The following NPTN variants were observed in gnomAD, a reference collection of about 807,000 sequenced individuals.
The protein encoded by NPTN is SDR-1.
In NPTN, 5 loss-of-function variants were observed where a neutral mutation model predicts 42.7. The observed-to-expected ratio is 0.12, with a 90% CI of 0.06 to 0.25. NPTN has a LOEUF of 0.25. NPTN is among the 10% of genes least tolerant of loss of function. NPTN has a pLI of 1.00. For synonymous variants in NPTN, 180 were observed against 201.9 expected, an observed-to-expected ratio of 0.89 and a Z score of 0.92; for missense variants, 307 against 525.4, an observed-to-expected ratio of 0.58 and a Z score of 4.06.
chr15:73,599,856 G>T (rs926622831), intron 1 of NPTN, among the ~76,000 whole-genome samples: 8 of 147,432 alleles, frequency 5.4e-5, no homozygotes, highest in African/African-American at 2.0e-4. Flanking sequence ...CTCAAATGCG[G>T]TAATTATGTA....
chr15:73,595,359 C>A (rs1896786839), intron 2 of NPTN, among the ~76,000 whole-genome samples: 1 of 152,186 alleles, frequency 6.6e-6, no homozygotes, highest in South Asian at 2.1e-4. Flanking sequence ...AAAAAAATCA[C>A]TGGGTTAATG....
intron 6 of NPTN, chr15:73,567,241 G>C (rs945980679): frequency 6.1e-6 from 6 of 985,166 alleles, no homozygotes; most frequent in Non-Finnish European, 6.0e-6. Flanking sequence ...TATAAAAAAA[G>C]TTCAGTGAGT....
At position 73,605,103 on chromosome 15, in the gene NPTN, G is replaced by C. The variant is rs542550341; in HGVS notation, c.92-7734C>G. On this transcript the variant is annotated intron_variant, in intron 1 of 8. Coordinates refer to ENST00000345330, the MANE Select transcript of NPTN (RefSeq NM_012428.4). ...CAGAGTAGAGACCCTGTCTCAAGGG[G>C]GGGGGGGGAAAAGAATGATCTAAAC... is the stretch of plus-strand genomic sequence containing the variant. 4.8e-3 allele frequency among the ~76,000 whole-genome samples: 700 copies of C among 146,280 alleles called. 38 individuals are homozygous for C. Among genetic ancestry groups the C allele is most frequent in the African/African-American group, 0.017 (627 of 36,714 alleles).
intron 5 of NPTN, 55 bp downstream of exon 5, chr15:73,573,607 G>C (rs1168244511): frequency 1.3e-5 from 19 of 1,506,808 alleles, no homozygotes; most frequent in Non-Finnish European, 1.7e-5. Flanking sequence ...CACGTGTCTG[G>C]ACCTCTGCAG....
intron 1 of NPTN, among the ~76,000 whole-genome samples, chr15:73,624,947 G>A (rs992824856): frequency 6.6e-6 from 1 of 152,040 alleles, no homozygotes; most frequent in African/African-American, 2.4e-5. Flanking sequence ...AAAAAAAATC[G>A]CTATATATAA....
In NPTN at chr15:73,633,174, C is replaced by T. The variant is rs1898859005; in HGVS notation, c.42G>A (p.Leu14=). 1 of 1,520,326 alleles carries T rather than the reference C, an allele frequency of 6.6e-7. No individual in the cohort carries two copies. Among genetic ancestry groups the T allele is most frequent in the Non-Finnish European group, 8.8e-7 (1 of 1,140,750 alleles). 94.2% of individuals were successfully genotyped at this position (1,520,326 alleles called of 1,614,324 possible). A position where few individuals can be genotyped will look rare whatever the true frequency, so the allele number is the denominator to read the frequency against. The change falls in exon 1 of 9, where the codon CTG becomes CTA. Residue 14 remains leucine (L), a synonymous_variant. Transcript: ENST00000345330. ...SSLPSALALS[L]LLVSGSLLPG... Reference sequence around the variant, plus strand: ...GGAGGAGGGAGCCAGAGACCAGCAACAGCGAGAGGGCCAGGGCGCTGGGCA... The same window carrying T: ...GGAGGAGGGAGCCAGAGACCAGCAATAGCGAGAGGGCCAGGGCGCTGGGCA...
chr15:73,583,830 G>T (rs938458543), intron 4 of NPTN, among the ~76,000 whole-genome samples: 2 of 152,156 alleles, frequency 1.3e-5, no homozygotes, highest in African/African-American at 4.8e-5. Context: ...GAGATGCTGT[G>T]CATGCTGAAA....
intron 2 of NPTN, among the ~76,000 whole-genome samples, chr15:73,594,905 G>A (rs901326769): frequency 6.6e-6 from 1 of 150,964 alleles, no homozygotes; most frequent in East Asian, 1.9e-4. Context: ...CTTTTGGGAC[G>A]CTGAGATCAT....
At chr15:73,562,000 TAAACTC>T (rs1894701710) in intron 7 of NPTN, 30 bp from the exon 8 acceptor site, 3 of 1,508,324 alleles carry the variant, frequency 2.0e-6, no homozygotes, top group Non-Finnish European at 2.7e-6. Flanking sequence ...TTACATGAGT[TAAACTC>T]AGTCAATAAC....
At chr15:73,600,111 C>T (rs773694173) in intron 1 of NPTN, among the ~76,000 whole-genome samples, 2 of 152,214 alleles carry the variant, frequency 1.3e-5, no homozygotes, top group Non-Finnish European at 2.9e-5. Flanking sequence ...CCACTGCACA[C>T]AACTGGGCGA....
chr15:73,624,832 A>T (rs550892045), intron 1 of NPTN, among the ~76,000 whole-genome samples: 2 of 152,352 alleles, frequency 1.3e-5, no homozygotes, highest in South Asian at 4.1e-4. Flanking sequence ...AATAAGGAAC[A>T]CAAGGTCTAA....
At chr15:73,602,812 A>C (rs1897133690) in intron 1 of NPTN, among the ~76,000 whole-genome samples, 1 of 152,152 alleles carries the variant, frequency 6.6e-6, no homozygotes, top group Admixed American at 6.5e-5. Context: ...ACATTTTCCA[A>C]ATTCAAACCT....
intron 1 of NPTN, among the ~76,000 whole-genome samples, chr15:73,615,321 G>A (rs1182842793): frequency 1.3e-5 from 2 of 152,026 alleles, no homozygotes. Flanking sequence ...CATTATAACA[G>A]CAGCTAGCCT....
chr15:73,609,139 C>T (rs1421735469), intron 1 of NPTN, among the ~76,000 whole-genome samples: 1 of 152,184 alleles, frequency 6.6e-6, no homozygotes, highest in Non-Finnish European at 1.5e-5. Context: ...GGATAAAATA[C>T]CCCAAGTTAG....
chr15:73,611,105 G>A (rs1897556257), intron 1 of NPTN, among the ~76,000 whole-genome samples: 1 of 152,218 alleles, frequency 6.6e-6, no homozygotes, highest in South Asian at 2.1e-4. Flanking sequence ...CTGAGCCAGA[G>A]TCCAAAGAAT....
At chr15:73,630,572 T>C (rs1481087) in intron 1 of NPTN, among the ~76,000 whole-genome samples, 18,182 of 152,228 alleles carry the variant, frequency 0.12, 1,543 homozygotes, top group African/African-American at 0.23. Context: ...TCAAGAGACC[T>C]TGAGAGTCAT....
rs1387924749 is a variant in NPTN, at chr15:73,561,971, C to T, written c.1137-1G>A. 2 of 1,592,854 alleles carry T rather than the reference C, an allele frequency of 1.3e-6. No homozygotes were observed. ...GTGATTGTTGGTAGAGTTGGTTTTC[C>T]TTTGGAGGAAAAATTGCATTACATG... On this transcript the variant is annotated splice_acceptor_variant, in intron 7 of 8. Transcript: ENST00000345330. LOFTEE classifies it high-confidence loss of function.
At chr15:73,607,922 T>A (rs796405566) in intron 1 of NPTN, among the ~76,000 whole-genome samples, 4 of 152,258 alleles carry the variant, frequency 2.6e-5, no homozygotes, top group African/African-American at 9.6e-5. Flanking sequence ...TCTTGGAGAA[T>A]CTGAAACTGT....
At chr15:73,568,921 C>A in intron 6 of NPTN, 1 of 985,542 alleles carries the variant, frequency 1.0e-6, no homozygotes, top group Non-Finnish European at 1.2e-6. Flanking sequence ...CAAACATGTC[C>A]TCCCAGAGAG....
Sources: gnomAD v4.1 joint callset for allele counts (sites outside exome capture counted in the v4.1 genomes callset) on GRCh38, gnomAD v4.1.1 for gene constraint, MANE v1.5 for transcripts, NCBI Gene and HGNC (gene_info 2026-07-23, HGNC 2026-07-21) for gene names.